The following DNAH17 variants were observed in gnomAD, a reference collection of about 807,000 sequenced individuals.
The protein encoded by DNAH17 is dynein axonemal heavy chain 17.
A neutral mutation model predicts 485.6 loss-of-function variants in DNAH17; 376 were observed. The ratio of observed to expected loss-of-function variants is 0.77; its 90% confidence interval spans 0.71 to 0.84. The LOEUF is 0.84. DNAH17 is among the 40% of genes least tolerant of loss of function. DNAH17 has a pLI of 0.00. For missense variants in DNAH17, 6,370 were observed against 5,839.3 expected (o/e 1.09, Z -2.96); for synonymous variants, 3,031 against 2,405.9 (o/e 1.26, Z -7.60).
chr17:78,431,319 T>G (rs1192265946), intron 75 of DNAH17, among the ~76,000 whole-genome samples: 1 of 152,240 alleles, frequency 6.6e-6, no homozygotes, highest in Non-Finnish European at 1.5e-5. Context: ...AGGCAGCGTC[T>G]GTGTCTCCCG....
intron 17 of DNAH17, 101 bp from the exon 18 acceptor site, chr17:78,539,981 C>A: frequency 2.4e-6 from 3 of 1,237,836 alleles, no homozygotes; most frequent in Non-Finnish European, 3.2e-6. Flanking sequence ...CATGTTCACA[C>A]GCCGGACACA....
chr17:78,426,992 A>C lies in DNAH17; in HGVS notation c.12705T>G (p.Cys4235Trp). The C allele has an allele frequency of 6.2e-7, 1 of 1,610,432 alleles. No individual in the cohort carries two copies. The highest frequency in any genetic ancestry group is 8.5e-7 in the Non-Finnish European group (1 of 1,178,462). ...TPYVVVAFQE[C>W]ERMNILTNEM... is the part of the protein sequence containing the mutation. ...CGTTGGTCAGGATGTTCATTCTTTC[A>C]CATTCTTGAAAGGCGACTACCACGT... Residue 4235 changes from cysteine (C) to tryptophan (W), a missense_variant, in exon 78 of 81, where the codon TGT (cysteine) becomes TGG (tryptophan). By Grantham distance (215) the Cys-to-Trp change is radical. Coordinates refer to ENST00000389840, the MANE Select transcript of DNAH17 (RefSeq NM_173628.4).
intron 26 of DNAH17, chr17:78,510,748 G>C: frequency 3.1e-6 from 1 of 318,012 alleles, no homozygotes; most frequent in Non-Finnish European, 5.5e-6. Context: ...GGGCGGAATT[G>C]CGGCCCCCCC....
chr17:78,491,335 C>G (rs186244691), intron 43 of DNAH17, 108 bp downstream of exon 43: 1 of 1,459,146 alleles, frequency 6.9e-7, no homozygotes, highest in Admixed American at 2.2e-5. Context: ...ACGCCACCTG[C>G]GCCAAGCCTG....
chr17:78,485,915 T>G lies in DNAH17; in HGVS notation c.7275+45A>C, dbSNP rs12944880. ...GTGTGGAGGGTACTGCACCGATTCC[T>G]GCCTCTAAATCACCAGTCGGTGGCC... On this transcript the variant is annotated intron_variant, in intron 46 of 80. Coordinates refer to ENST00000389840, the MANE Select transcript of DNAH17 (RefSeq NM_173628.4). 9 of 1,597,532 alleles carry G rather than the reference T, an allele frequency of 5.6e-6. No homozygotes were observed. In the East Asian group the frequency reaches 8.9e-5, roughly 16 times the overall value.
Position 78,499,026 on chromosome 17 carries a change from C to T in DNAH17, c.5727G>A (p.Leu1909=), listed in dbSNP as rs1335077599. The change falls in exon 37 of 81, where the codon TTG becomes TTA. Residue 1909 remains leucine, a synonymous_variant. Transcript: ENST00000389840. ...ACTTTACCTGCACGGCAATCACAGACAAGACTTCCACTGAGATGCGATTAA... is the reference window on the plus strand; with the variant it reads ...ACTTTACCTGCACGGCAATCACAGATAAGACTTCCACTGAGATGCGATTAA... ...DEFNRISVEV[L]SVIAVQVKCV... 6.2e-7 allele frequency: 1 copy of T among 1,610,248 alleles called. No homozygotes were observed. Among genetic ancestry groups the T allele is most frequent in the Non-Finnish European group, 8.5e-7 (1 of 1,178,226 alleles).
chr17:78,531,693 TTC>T (rs1263279992), intron 20 of DNAH17, among the ~76,000 whole-genome samples: 2 of 152,242 alleles, frequency 1.3e-5, no homozygotes, highest in East Asian at 1.9e-4. Flanking sequence ...TGTTCTTGGT[TTC>T]TGTTTGTGTG....
chr17:78,530,291 C>CT, intron 21 of DNAH17, 52 bp downstream of exon 21: 1 of 1,530,884 alleles, frequency 6.5e-7, no homozygotes, highest in Non-Finnish European at 8.8e-7. Flanking sequence ...AGGCCACTCC[C>CT]TGGTGCTCTG....
rs2089587640 is a variant in DNAH17 at position 78,485,948 on chromosome 17, G to A, written c.7275+12C>T. Reference sequence around the variant, plus strand: ...AATCACCAGTCGGTGGCCCTGCTTTGGGGACAGTTACCTGCAGTGGGACAT... The same window carrying A: ...AATCACCAGTCGGTGGCCCTGCTTTAGGGACAGTTACCTGCAGTGGGACAT... On this transcript the variant is annotated intron_variant, in intron 46 of 80. Transcript: ENST00000389840. 6.2e-7 allele frequency: 1 copy of A among 1,609,986 alleles called. No homozygotes were observed. Among genetic ancestry groups the A allele is most frequent in the Non-Finnish European group, 8.5e-7 (1 of 1,178,984 alleles).
chr17:78,526,538 A>C (rs1284828277), intron 24 of DNAH17, 113 bp downstream of exon 24: 2 of 888,580 alleles, frequency 2.3e-6, no homozygotes, highest in Non-Finnish European at 3.4e-6. Context: ...GCACGGCCCC[A>C]AGGTCAGTCC....
intron 12 of DNAH17, among the ~76,000 whole-genome samples, chr17:78,561,380 G>A (rs910659461): frequency 1.1e-4 from 16 of 151,922 alleles, no homozygotes; most frequent in South Asian, 2.1e-4. Context: ...AAGCCTCCCC[G>A]GCCCCTGGCT....
At chr17:78,466,567 G>A (rs957096125) in intron 56 of DNAH17, 88 bp downstream of exon 56, 6 of 1,366,988 alleles carry the variant, frequency 4.4e-6, no homozygotes, top group East Asian at 2.7e-5. Flanking sequence ...CCTAATCCCA[G>A]CGCCCTTTTC....
chr17:78,538,135 C>T (rs1258184402), intron 18 of DNAH17, among the ~76,000 whole-genome samples: 2 of 62,966 alleles, frequency 3.2e-5, no homozygotes, highest in African/African-American at 1.5e-4. Flanking sequence ...AAAACTCTGT[C>T]TCCAAAAAAA....
At chr17:78,498,413 C>T (rs1260269133) in intron 37 of DNAH17, among the ~76,000 whole-genome samples, 1 of 152,244 alleles carries the variant, frequency 6.6e-6, no homozygotes, top group Non-Finnish European at 1.5e-5. Context: ...CAGCATGCGT[C>T]AGGATCACCT....
chr17:78,479,004 A>G, intron 51 of DNAH17, 21 bp downstream of exon 51: 1 of 1,608,980 alleles, frequency 6.2e-7, no homozygotes, highest in South Asian at 1.1e-5. Context: ...CAGGCATGAC[A>G]TAAAGCTACA....
chr17:78,533,277 G>A (rs529978641), intron 19 of DNAH17, among the ~76,000 whole-genome samples: 1 of 152,182 alleles, frequency 6.6e-6, no homozygotes, highest in Admixed American at 6.5e-5. Flanking sequence ...ATTCATCAAA[G>A]AATCACAGAA....
intron 69 of DNAH17, among the ~76,000 whole-genome samples, chr17:78,445,892 G>A (rs550658181): frequency 1.6e-4 from 24 of 152,166 alleles, no homozygotes; most frequent in African/African-American, 5.1e-4. Flanking sequence ...CATTTTGGCC[G>A]GGCACAGTGA....
chr17:78,575,554 C>G (rs568601447), intron 1 of DNAH17, among the ~76,000 whole-genome samples: 1 of 152,262 alleles, frequency 6.6e-6, no homozygotes, highest in East Asian at 1.9e-4. Flanking sequence ...ACGTGCAGGC[C>G]GTGAGGCTCA....
At chr17:78,528,536 A>G (rs74001401) in intron 22 of DNAH17, among the ~76,000 whole-genome samples, 18,641 of 152,022 alleles carry the variant, frequency 0.12, 1,982 homozygotes, top group African/African-American at 0.28. Flanking sequence ...TCGGTGCATA[A>G]GACAGGAGGG....
Sources: allele counts gnomAD v4.1 joint callset (sites outside exome capture counted in the v4.1 genomes callset), GRCh38; gene constraint gnomAD v4.1.1; transcripts MANE v1.5; gene names NCBI Gene and HGNC (gene_info 2026-07-23, HGNC 2026-07-21).